The following TOX variants were observed in gnomAD, a reference collection of about 807,000 sequenced individuals.
TOX encodes the protein thymocyte selection-associated high mobility group box protein TOX.
In TOX, 11 loss-of-function variants were observed where a neutral mutation model predicts 53.7. That is an observed-to-expected ratio of 0.20 (90% confidence interval 0.13 to 0.34). The LOEUF (loss-of-function observed/expected upper bound fraction) is 0.34, where lower values mean the gene tolerates loss of function less well. Among genes scored for constraint, TOX ranks in the 10% least tolerant of loss-of-function variants. The pLI is 1.00. For missense variants in TOX, 570 were observed against 664.6 expected (o/e 0.86, Z 1.56); for synonymous variants, 225 against 245.3 (o/e 0.92, Z 0.77).
intron 1 of TOX, among the ~76,000 whole-genome samples, chr8:59,043,712 T>C (rs1036327059): frequency 6.6e-6 from 1 of 152,230 alleles, no homozygotes; most frequent in Non-Finnish European, 1.5e-5. Context: ...ACTTCATGAC[T>C]TCCTTCACTA....
chr8:59,003,683 C>T (rs1422740651), intron 1 of TOX, among the ~76,000 whole-genome samples: 1 of 152,066 alleles, frequency 6.6e-6, no homozygotes, highest in African/African-American at 2.4e-5. Context: ...AAATGAAAAT[C>T]AATTTGAAAT....
chr8:59,002,736 G>A (rs1463715069), intron 1 of TOX, among the ~76,000 whole-genome samples: 1 of 152,088 alleles, frequency 6.6e-6, no homozygotes, highest in Non-Finnish European at 1.5e-5. Flanking sequence ...TATTTTATAA[G>A]TAAAAGGCAT....
intron 1 of TOX, among the ~76,000 whole-genome samples, chr8:58,971,985 G>A (rs141019998): frequency 4.4e-4 from 67 of 152,196 alleles, no homozygotes; most frequent in Middle Eastern, 3.4e-3. Flanking sequence ...GCCACCATGC[G>A]CAGCCTACAT....
intron 3 of TOX, among the ~76,000 whole-genome samples, chr8:58,928,533 T>C (rs1399992145): frequency 1.3e-5 from 2 of 152,158 alleles, no homozygotes; most frequent in East Asian, 1.9e-4. Flanking sequence ...GATACATACA[T>C]ATATACATAC....
intron 1 of TOX, among the ~76,000 whole-genome samples, chr8:59,092,271 A>ATATATATTATATATACAT (rs1804625102): frequency 6.4e-5 from 8 of 125,104 alleles, no homozygotes; most frequent in African/African-American, 2.2e-4. Context: ...TATTTTATAT[A>ATATATATTATATATACAT]TATATATATA....
At chr8:59,017,222 T>TAA (rs1814030536) in intron 1 of TOX, among the ~76,000 whole-genome samples, 2 of 152,260 alleles carry the variant, frequency 1.3e-5, no homozygotes, top group African/African-American at 4.8e-5. Flanking sequence ...CTTATCATAC[T>TAA]GTAGCACTGT....
intron 3 of TOX, among the ~76,000 whole-genome samples, chr8:58,876,349 G>A (rs1249340400): frequency 6.6e-6 from 1 of 152,120 alleles, no homozygotes; most frequent in Non-Finnish European, 1.5e-5. Flanking sequence ...AGAATAAAAT[G>A]TGTTGTGATT....
At chr8:58,966,465 C>G (rs1033016838) in intron 1 of TOX, among the ~76,000 whole-genome samples, 15 of 152,188 alleles carry the variant, frequency 9.9e-5, no homozygotes, top group South Asian at 6.2e-4. Flanking sequence ...GTGGTAAACA[C>G]TCAACTACAG....
intron 1 of TOX, among the ~76,000 whole-genome samples, chr8:59,020,323 C>T (rs1383915855): frequency 6.6e-6 from 1 of 152,196 alleles, no homozygotes; most frequent in Non-Finnish European, 1.5e-5. Context: ...TTAGGATAAG[C>T]TCAACTATTA....
intron 2 of TOX, among the ~76,000 whole-genome samples, chr8:58,940,339 G>T (rs930979174): frequency 1.1e-4 from 16 of 146,998 alleles, no homozygotes; most frequent in Non-Finnish European, 1.5e-4. Flanking sequence ...ACATATGTGG[G>T]TTTTTTTTTT....
At chr8:58,892,008 G>A (rs1811568145) in intron 3 of TOX, among the ~76,000 whole-genome samples, 1 of 152,124 alleles carries the variant, frequency 6.6e-6, no homozygotes, top group Admixed American at 6.6e-5. Context: ...TGCTACAGAT[G>A]AAATTAGACA....
chr8:59,065,396 C>T (rs950351949), intron 1 of TOX, among the ~76,000 whole-genome samples: 4 of 152,102 alleles, frequency 2.6e-5, no homozygotes, highest in African/African-American at 4.8e-5. Flanking sequence ...TTATTATCCT[C>T]CTTTGCCATG....
At chr8:58,840,173 A>G (rs1216764600) in intron 4 of TOX, among the ~76,000 whole-genome samples, 1 of 152,222 alleles carries the variant, frequency 6.6e-6, no homozygotes, top group Non-Finnish European at 1.5e-5. Context: ...AGATAAGCAA[A>G]AGCTAAGTGA....
rs1159671227 is a variant in TOX, at chr8:58,915,340, C to T, written c.411+23962G>A. ...GAAGAGAGCAGTGGTTCTCCCAGCA[C>T]GCAGCTGGAGATCTGAGAACGGGCA... On this transcript the variant is annotated intron_variant, in intron 3 of 8. Transcript: ENST00000361421. Among the ~76,000 whole-genome samples, 265 of 88,154 alleles carry T rather than the reference C, an allele frequency of 3.0e-3. 6 individuals carry two copies. In the East Asian group the frequency reaches 0.07, roughly 23 times the overall value. The allele number at this position is 88,154 out of a possible 152,430, so 57.8% of individuals were successfully genotyped here.
chr8:59,069,988 G>A (rs1035493082), intron 1 of TOX, among the ~76,000 whole-genome samples: 1 of 152,208 alleles, frequency 6.6e-6, no homozygotes, highest in Non-Finnish European at 1.5e-5. Flanking sequence ...GGAAAGCGAT[G>A]AAGACAGAAG....
At chr8:59,095,401 A>G (rs1804697683) in intron 1 of TOX, among the ~76,000 whole-genome samples, 1 of 152,230 alleles carries the variant, frequency 6.6e-6, no homozygotes, top group Non-Finnish European at 1.5e-5. Flanking sequence ...CTGAAAGATG[A>G]ATATTAAAAA....
chr8:58,982,424 A>G (rs55730053), intron 1 of TOX, among the ~76,000 whole-genome samples: 46,594 of 152,094 alleles, frequency 0.31, 8,473 homozygotes, highest in South Asian at 0.42. Flanking sequence ...GCCCTGCTGG[A>G]CATCTTCATC....
intron 1 of TOX, among the ~76,000 whole-genome samples, chr8:59,001,235 A>G (rs796244146): frequency 4.6e-5 from 7 of 152,318 alleles, no homozygotes; most frequent in African/African-American, 1.4e-4. Flanking sequence ...GGTTTTTCAG[A>G]TATAGATTAT....
intron 3 of TOX, among the ~76,000 whole-genome samples, chr8:58,915,832 A>G (rs1812009061): frequency 6.9e-6 from 1 of 144,628 alleles, no homozygotes; most frequent in African/African-American, 2.6e-5. Flanking sequence ...TATAACTAGA[A>G]TAACCAATAC....
Sources: gnomAD v4.1 joint callset for allele counts (sites outside exome capture counted in the v4.1 genomes callset) on GRCh38, gnomAD v4.1.1 for gene constraint, MANE v1.5 for transcripts, NCBI Gene and HGNC (gene_info 2026-07-23, HGNC 2026-07-21) for gene names.